The following XKR9 variants were observed in gnomAD, a reference collection of about 807,000 sequenced individuals.
XKR9 encodes XK-related protein 9.
A neutral mutation model predicts 32.0 loss-of-function variants in XKR9; 32 were observed. The ratio of observed to expected loss-of-function variants is 1.00; its 90% CI spans 0.76 to 1.34. The LOEUF (loss-of-function observed/expected upper bound fraction) is 1.34, where lower values mean the gene tolerates loss of function less well. Among genes scored for constraint, XKR9 ranks in the 40% most tolerant of loss-of-function variants. The pLI is 0.00. For missense variants in XKR9, 546 were observed against 429.7 expected (o/e 1.27, Z -2.39); for synonymous variants, 168 against 143.4 (o/e 1.17, Z -1.22).
At chr8:70,916,688 T>C in the XKR9 span, among the ~76,000 whole-genome samples, 1 of 152,166 alleles carries the variant, frequency 6.6e-6, no homozygotes, top group Non-Finnish European at 1.5e-5. Flanking sequence ...ATAAGCTGTC[T>C]TGTTGGATTT....
the XKR9 span, among the ~76,000 whole-genome samples, chr8:71,053,446 T>A: frequency 6.6e-6 from 1 of 152,274 alleles, no homozygotes; most frequent in East Asian, 1.9e-4. Flanking sequence ...TGTGGTTTCC[T>A]GACCTGACAG....
At chr8:70,910,299 A>G in the XKR9 span, among the ~76,000 whole-genome samples, 1 of 152,054 alleles carries the variant, frequency 6.6e-6, no homozygotes, top group Non-Finnish European at 1.5e-5. Context: ...GAGCACTGCA[A>G]TTATATGTTG....
At position 70,734,236 on chromosome 8, in the gene XKR9, A is replaced by G. The variant is rs777705878; in HGVS notation, c.934A>G (p.Ile312Val). The G allele has an allele frequency of 2.5e-5, 41 of 1,612,946 alleles. No individual in the cohort carries two copies. Among genetic ancestry groups the G allele is most frequent in the Admixed American group, 6.7e-5 (4 of 59,854 alleles). ...TGTATTCTGGGTTTGCCCCCTCACT[A>G]TTTTTAATCCAGACTATTTTATACC... is the stretch of plus-strand genomic sequence containing the variant. ...LTVFWVCPLTIFNPDYFIPIS... is the reference protein window; with the variant it reads ...LTVFWVCPLTVFNPDYFIPIS... The change falls in exon 5 of 5, where the codon ATT becomes GTT. Residue 312 changes from isoleucine (I) to valine (V), a missense_variant. Transcript: ENST00000408926.
At chr8:71,062,872 T>A in the XKR9 span, among the ~76,000 whole-genome samples, 8 of 152,124 alleles carry the variant, frequency 5.3e-5, no homozygotes, top group Admixed American at 5.2e-4. Flanking sequence ...TTCAACATTT[T>A]CTAAAATTGA....
At chr8:70,885,402 A>T in the XKR9 span, among the ~76,000 whole-genome samples, 2 of 152,112 alleles carry the variant, frequency 1.3e-5, no homozygotes, top group Admixed American at 1.3e-4. Flanking sequence ...GTCAATATAC[A>T]TTTTTTTAAA....
At chr8:70,792,508 A>T (rs1459065796), downstream of XKR9, among the ~76,000 whole-genome samples, 1 of 152,144 alleles carries the variant, frequency 6.6e-6, no homozygotes, top group Non-Finnish European at 1.5e-5. Flanking sequence ...ATAAATGAGG[A>T]AATCAATCAG....
intron 2 of XKR9, among the ~76,000 whole-genome samples, chr8:70,754,886 T>C (rs887110041): frequency 1.3e-5 from 2 of 152,030 alleles, no homozygotes; most frequent in Admixed American, 6.6e-5. Context: ...CCAAAAGCAA[T>C]GGCAACAAAA....
the XKR9 span, among the ~76,000 whole-genome samples, chr8:71,056,836 CAT>C: frequency 1.3e-5 from 2 of 151,948 alleles, no homozygotes; most frequent in East Asian, 3.9e-4. Context: ...TTTATTTCTC[CAT>C]ATCTTTTAGA....
chr8:70,988,333 TA>T, the XKR9 span, among the ~76,000 whole-genome samples: 389 of 139,456 alleles, frequency 2.8e-3, 1 homozygote, highest in South Asian at 8.8e-3. Context: ...CATGCGTGGT[TA>T]AAAAAAAAAA....
intron 3 of XKR9, among the ~76,000 whole-genome samples, chr8:70,700,908 C>G (rs1464469757): frequency 6.6e-6 from 1 of 152,220 alleles, no homozygotes; most frequent in Admixed American, 6.5e-5. Flanking sequence ...CCTCCCCCAG[C>G]CTTGCTGCTG....
chr8:70,743,288 T>A (rs1228540343), intron 2 of XKR9, among the ~76,000 whole-genome samples: 1 of 152,214 alleles, frequency 6.6e-6, no homozygotes, highest in East Asian at 1.9e-4. Flanking sequence ...TGTATTTTTA[T>A]ATATCATAAG....
chr8:70,834,396 TA>T, the XKR9 span, among the ~76,000 whole-genome samples: 1 of 152,126 alleles, frequency 6.6e-6, no homozygotes, highest in Non-Finnish European at 1.5e-5. Flanking sequence ...ACCAGATTCA[TA>T]TTAGCTTTTA....
downstream of XKR9, among the ~76,000 whole-genome samples, chr8:70,739,800 C>T (rs1405166073): frequency 1.3e-5 from 2 of 152,316 alleles, no homozygotes; most frequent in African/African-American, 2.4e-5. Flanking sequence ...TTGGCCCCCA[C>T]TCTCTTCTGG....
At chr8:70,912,590 G>A in the XKR9 span, among the ~76,000 whole-genome samples, 1 of 152,126 alleles carries the variant, frequency 6.6e-6, no homozygotes, top group Non-Finnish European at 1.5e-5. Context: ...TTGACATATT[G>A]AATCTGGATT....
the XKR9 span, among the ~76,000 whole-genome samples, chr8:70,815,761 G>A: frequency 6.6e-6 from 1 of 152,052 alleles, no homozygotes; most frequent in Admixed American, 6.6e-5. Context: ...TCCTGACCTT[G>A]TGATCCACCC....
the XKR9 span, among the ~76,000 whole-genome samples, chr8:70,810,111 C>T: frequency 6.6e-6 from 1 of 152,160 alleles, no homozygotes; most frequent in Admixed American, 6.5e-5. Flanking sequence ...ACTCTACAAG[C>T]CAGAAGAGAG....
At chr8:70,938,810 C>T in the XKR9 span, among the ~76,000 whole-genome samples, 740 of 152,108 alleles carry the variant, frequency 4.9e-3, 5 homozygotes, top group Non-Finnish European at 8.3e-3. Flanking sequence ...CTGCTTCATA[C>T]AGCAAACAAG....
the XKR9 span, among the ~76,000 whole-genome samples, chr8:70,978,858 A>G: frequency 6.6e-6 from 1 of 152,080 alleles, no homozygotes; most frequent in Non-Finnish European, 1.5e-5. Flanking sequence ...TCTCCGCGTC[A>G]CTTTCCAGTA....
the XKR9 span, among the ~76,000 whole-genome samples, chr8:70,812,664 C>T: frequency 6.6e-6 from 1 of 151,976 alleles, no homozygotes. Flanking sequence ...AAACAGAGAG[C>T]CAAATCATGA....
Sources: gnomAD v4.1 joint callset for allele counts (sites outside exome capture counted in the v4.1 genomes callset) on GRCh38, gnomAD v4.1.1 for gene constraint, MANE v1.5 for transcripts, NCBI Gene and HGNC (gene_info 2026-07-23, HGNC 2026-07-21) for gene names.